Variants in MCTP1 observed in about 807,000 individuals in gnomAD.
MCTP1 encodes multiple C2 and transmembrane domain containing 1.
A neutral mutation model predicts 120.6 loss-of-function variants in MCTP1; 69 were observed. The observed-to-expected ratio is 0.57, with a 90% confidence interval of 0.47 to 0.70. The LOEUF is 0.70. Ranked by LOEUF, MCTP1 falls within the 30% of genes least tolerant of loss-of-function variation. The pLI, the probability that MCTP1 is intolerant of heterozygous loss-of-function variation, is 0.00. For synonymous variants in MCTP1, 529 were observed against 493.1 expected (o/e 1.07, Z -0.96); for missense variants, 1,203 against 1,248.8 (o/e 0.96, Z 0.55).
In MCTP1 at chr5:95,017,555, A is replaced by C. The variant is rs1837359781; in HGVS notation, c.721-71T>G. 300 of 732,962 alleles carry C rather than the reference A, an allele frequency of 4.1e-4. No homozygotes were observed. Among genetic ancestry groups the C allele is most frequent in the Non-Finnish European group, 5.2e-4 (263 of 509,748 alleles). The allele number at this position is 732,962 out of a possible 1,614,324, so 45.4% of individuals were successfully genotyped here. The stretch of plus-strand genomic sequence containing the variant: ...TCTATTTTCTCTAAAGGGGGACCAT[A>C]TATAGCTTAACCCAAATTATAAGAA... On this transcript the variant is annotated intron_variant, in intron 1 of 22. Transcript: ENST00000515393.
At chr5:95,001,127 G>A (rs1833598570) in intron 2 of MCTP1, among the ~76,000 whole-genome samples, 1 of 152,240 alleles carries the variant, frequency 6.6e-6, no homozygotes, top group Non-Finnish European at 1.5e-5. Flanking sequence ...CTGCCACCCT[G>A]CAAAGAGGCA....
chr5:95,275,474 G>T (rs922199777), intron 1 of MCTP1, among the ~76,000 whole-genome samples: 3 of 152,098 alleles, frequency 2.0e-5, no homozygotes, highest in African/African-American at 7.2e-5. Context: ...GGCCCCTGTG[G>T]GCATTGGAGT....
At chr5:94,789,027 T>A (rs1327534890) in intron 18 of MCTP1, 1 of 152,194 alleles carries the variant, frequency 6.6e-6, no homozygotes, top group Non-Finnish European at 1.5e-5. Flanking sequence ...CAACTGCAGC[T>A]CAAATAAGTG....
rs143715303 is a variant in MCTP1 at position 94,777,489 on chromosome 5, C to T, written c.2610+1621G>A. Among the ~76,000 whole-genome samples the T allele has an allele frequency of 5.9e-5, 9 of 152,202 alleles. No homozygotes were observed. The East Asian group carries it at 1.7e-3, about 29-fold the overall frequency. ...AACATAGGTTGACTTCAAACAGGGA[C>T]ATTAAGTACTAGACTTCACTAAGGG... On this transcript the variant is annotated intron_variant, in intron 19 of 22. Coordinates refer to ENST00000515393, the MANE Select transcript of MCTP1 (RefSeq NM_024717.7).
chr5:95,071,815 G>A (rs1338021813), intron 1 of MCTP1, among the ~76,000 whole-genome samples: 2 of 152,104 alleles, frequency 1.3e-5, no homozygotes, highest in African/African-American at 4.8e-5. Flanking sequence ...GAATGAGATT[G>A]TCTTAAATAC....
chr5:95,220,969 C>T (rs901188622), intron 1 of MCTP1, among the ~76,000 whole-genome samples: 18 of 152,098 alleles, frequency 1.2e-4, no homozygotes, highest in Non-Finnish European at 2.6e-4. Context: ...TCAGTAAAGG[C>T]AGAAAAAATT....
intron 1 of MCTP1, among the ~76,000 whole-genome samples, chr5:95,267,575 A>C (rs1346849486): frequency 6.6e-6 from 1 of 152,218 alleles, no homozygotes; most frequent in African/African-American, 2.4e-5. Flanking sequence ...TCATATCCTA[A>C]TAAGGAAAAC....
intron 2 of MCTP1, among the ~76,000 whole-genome samples, chr5:94,956,601 A>G (rs1368250526): frequency 1.3e-5 from 2 of 152,198 alleles, no homozygotes; most frequent in African/African-American, 4.8e-5. Flanking sequence ...AAAACACAGC[A>G]TGAGAACTTC....
chr5:94,760,823 G>A (rs558825261), intron 19 of MCTP1, among the ~76,000 whole-genome samples: 31 of 151,906 alleles, frequency 2.0e-4, no homozygotes, highest in South Asian at 1.3e-3. Flanking sequence ...AAGCTGGGAC[G>A]ACAGGCATGT....
At chr5:95,229,282 G>A (rs912957046) in intron 1 of MCTP1, among the ~76,000 whole-genome samples, 5 of 152,134 alleles carry the variant, frequency 3.3e-5, no homozygotes, top group Non-Finnish European at 5.9e-5. Context: ...GAGGTGACTT[G>A]ACAGAATTTC....
At chr5:95,143,056 G>C (rs1475119752) in intron 1 of MCTP1, among the ~76,000 whole-genome samples, 2 of 151,998 alleles carry the variant, frequency 1.3e-5, no homozygotes, top group African/African-American at 4.8e-5. Flanking sequence ...ACAAGAATAT[G>C]GGTTACTAAG....
intron 19 of MCTP1, among the ~76,000 whole-genome samples, chr5:94,756,845 AT>A (rs1770013861): frequency 6.6e-6 from 1 of 152,180 alleles, no homozygotes; most frequent in South Asian, 2.1e-4. Context: ...TGTGCATGTT[AT>A]GTATTAAAGT....
rs531120990 is a variant in MCTP1 at position 95,265,691 on chromosome 5, G to A, written c.720+18165C>T. On this transcript the variant is annotated intron_variant, in intron 1 of 22. Coordinates refer to ENST00000515393, the MANE Select transcript of MCTP1 (RefSeq NM_024717.7). ...TCTCCCAAGACACAGGGATTCCCAT[G>A]GTTTTATTTACTTAAAAGTGGAATG... is the stretch of plus-strand genomic sequence containing the variant. Among the ~76,000 whole-genome samples the A allele has an allele frequency of 3.9e-5, 6 of 152,200 alleles. No homozygotes were observed. The South Asian group carries it at 1.2e-3, about 32-fold the overall frequency.
chr5:95,135,511 A>G (rs1265957094), intron 1 of MCTP1, among the ~76,000 whole-genome samples: 1 of 152,204 alleles, frequency 6.6e-6, no homozygotes, highest in East Asian at 1.9e-4. Flanking sequence ...AAGGAGATTA[A>G]CATTTGAGTC....
chr5:95,149,619 G>A (rs1253900211), intron 1 of MCTP1, among the ~76,000 whole-genome samples: 2 of 152,178 alleles, frequency 1.3e-5, no homozygotes, highest in Non-Finnish European at 2.9e-5. Context: ...TGTGCTGGAA[G>A]CAGAAACTGA....
chr5:95,198,584 T>C (rs774234989), intron 1 of MCTP1, among the ~76,000 whole-genome samples: 1 of 152,160 alleles, frequency 6.6e-6, no homozygotes, highest in Non-Finnish European at 1.5e-5. Flanking sequence ...ATTTTCACCT[T>C]ATCAGGATTT....
At chr5:94,771,994 C>T (rs2152905144) in intron 19 of MCTP1, among the ~76,000 whole-genome samples, 1 of 152,274 alleles carries the variant, frequency 6.6e-6, no homozygotes, top group Middle Eastern at 3.4e-3. Flanking sequence ...TTGTGGCCCG[C>T]TTCCTCCATC....
chr5:95,170,905 T>A (rs1241640929), intron 1 of MCTP1, among the ~76,000 whole-genome samples: 1 of 152,208 alleles, frequency 6.6e-6, no homozygotes, highest in Non-Finnish European at 1.5e-5. Flanking sequence ...ATTTAGTCCA[T>A]TTACATTTAA....
At chr5:95,173,288 C>T (rs1747568414) in intron 1 of MCTP1, among the ~76,000 whole-genome samples, 1 of 152,096 alleles carries the variant, frequency 6.6e-6, no homozygotes, top group South Asian at 2.1e-4. Flanking sequence ...TACTTGATTC[C>T]TCTATTCAAA....
Sources: allele counts gnomAD v4.1 joint callset (sites outside exome capture counted in the v4.1 genomes callset), GRCh38; gene constraint gnomAD v4.1.1; transcripts MANE v1.5; gene names NCBI Gene and HGNC (gene_info 2026-07-23, HGNC 2026-07-21).